The following AUNIP variants were observed in gnomAD, a reference collection of about 807,000 sequenced individuals.
AUNIP encodes the protein aurora kinase A- and ninein-interacting protein.
AUNIP carries 16 observed loss-of-function variants against 12.2 expected under a neutral mutation model. That is an observed-to-expected ratio of 1.31 (90% CI 0.88 to 1.99). The LOEUF (loss-of-function observed/expected upper bound fraction) is 1.99. Among genes scored for constraint, AUNIP ranks in the 30% most tolerant of loss-of-function variants. The pLI is 0.00. For missense variants in AUNIP, 411 were observed against 419.1 expected, an observed-to-expected ratio of 0.98 and a Z score of 0.17; for synonymous variants, 142 against 154.8, an observed-to-expected ratio of 0.92 and a Z score of 0.61.
rs771502890 is a variant in AUNIP, at chr1:25,835,778, T to G, written c.289A>C (p.Lys97Gln). ...HTESQINKES[K>Q]KNATQLDHLI... Reference sequence around the variant, plus strand: ...TGGTCTAGCTGGGTCGCATTTTTCTTGGACTCTTTGTTGATCTGACTTTCT... The same window carrying G: ...TGGTCTAGCTGGGTCGCATTTTTCTGGGACTCTTTGTTGATCTGACTTTCT... The change falls in exon 3 of 3, where the codon AAG (lysine) becomes CAG (glutamine). Residue 97 changes from lysine to glutamine, a missense_variant. Physicochemically the swap from Lys to Gln is moderately conservative, Grantham distance 53. Coordinates refer to ENST00000374298, the MANE Select transcript of AUNIP (RefSeq NM_024037.3). 6 of 1,614,146 alleles carry G rather than the reference T, an allele frequency of 3.7e-6. No homozygotes were observed. In the African/African-American group the frequency reaches 8.0e-5, roughly 22 times the overall value.
chr1:25,832,117 T>C (rs565072603), downstream of AUNIP: 218 of 1,603,162 alleles, frequency 1.4e-4, no homozygotes, highest in African/African-American at 1.6e-3. Context: ...CTCTTAAGGA[T>C]AGATCTTCTG....
At chr1:25,859,180 C>T in intron 1 of AUNIP, 100 bp downstream of exon 1, 1 of 1,261,168 alleles carries the variant, frequency 7.9e-7, no homozygotes, top group Non-Finnish European at 1.1e-6. Context: ...CTGTCCCCGA[C>T]TTCGCTTTCA....
chr1:25,857,995 G>A (rs1017117083), intron 1 of AUNIP, among the ~76,000 whole-genome samples: 2 of 151,356 alleles, frequency 1.3e-5, no homozygotes, highest in East Asian at 1.9e-4. Context: ...GTGAAAACCT[G>A]TCTCTACTAA....
Position 25,835,174 on chromosome 1 carries a change from A to G in AUNIP, c.893T>C (p.Ile298Thr). The stretch of plus-strand genomic sequence containing the variant: ...AAAAGGAGCTCTAGTGTTGTGGGCA[A>G]TGACCCGCTGGCCTTGAGAATCTTC... Reference protein sequence around the residue: ...FTEDSQGQRVIAHNTRAPFQD... With the variant: ...FTEDSQGQRVTAHNTRAPFQD... Residue 298 changes from isoleucine to threonine, a missense_variant, in exon 3 of 3, where the codon ATT (isoleucine) becomes ACT (threonine). Physicochemically the swap from Ile to Thr is moderately conservative, Grantham distance 89 (BLOSUM62 -1). Coordinates refer to ENST00000374298, the MANE Select transcript of AUNIP (RefSeq NM_024037.3). 2 of 1,614,234 alleles carry G rather than the reference A, an allele frequency of 1.2e-6. No homozygotes were observed. Among genetic ancestry groups the G allele is most frequent in the Non-Finnish European group, 8.5e-7 (1 of 1,180,042 alleles).
At position 25,834,261 on chromosome 1, in the gene AUNIP, G is replaced by A. The variant is rs1202779630; in HGVS notation, c.*732C>T. 1.0e-6 allele frequency: 1 copy of A among 985,188 alleles called. No individual in the cohort carries two copies. The highest frequency in any genetic ancestry group is 1.7e-5 in the African/African-American group (1 of 57,188). The allele number at this position is 985,188 out of a possible 1,614,324, so 61.0% of individuals were successfully genotyped here. On this transcript the variant is annotated 3_prime_UTR_variant, in exon 3 of 3. Coordinates refer to ENST00000374298, the MANE Select transcript of AUNIP (RefSeq NM_024037.3). Reference sequence around the variant, plus strand: ...GATTTGCTAATCACTGAAAAAAAAGGGTCAAGAGTAATCATCCCAAGCTTA... The same window carrying A: ...GATTTGCTAATCACTGAAAAAAAAGAGTCAAGAGTAATCATCCCAAGCTTA...
At chr1:25,853,044 C>G (rs1354005584) in intron 1 of AUNIP, among the ~76,000 whole-genome samples, 1 of 152,008 alleles carries the variant, frequency 6.6e-6, no homozygotes, top group Non-Finnish European at 1.5e-5. Flanking sequence ...TGTTTTGTGA[C>G]CTAGTATTTG....
At chr1:25,850,989 T>A (rs1410344396) in intron 1 of AUNIP, among the ~76,000 whole-genome samples, 1 of 152,218 alleles carries the variant, frequency 6.6e-6, no homozygotes, top group African/African-American at 2.4e-5. Flanking sequence ...TTCAGTCTTC[T>A]TCCATTAAGT....
chr1:25,857,463 G>A (rs984955820), intron 1 of AUNIP, among the ~76,000 whole-genome samples: 7 of 150,258 alleles, frequency 4.7e-5, no homozygotes, highest in Non-Finnish European at 7.4e-5. Flanking sequence ...TGGCCAGGCC[G>A]GTCTCGAACT....
Position 25,834,875 on chromosome 1 carries a change from C to T in AUNIP, c.*118G>A. The stretch of plus-strand genomic sequence containing the variant: ...ACACAGAGAAGATGCTCAGTAATGA[C>T]AACTTCATCCCATGCCACCTTCCCA... On this transcript the variant is annotated 3_prime_UTR_variant, in exon 3 of 3. Coordinates refer to ENST00000374298, the MANE Select transcript of AUNIP (RefSeq NM_024037.3). 2 of 1,509,746 alleles carry T rather than the reference C, an allele frequency of 1.3e-6. No individual in the cohort carries two copies. Among genetic ancestry groups the T allele is most frequent in the South Asian group, 1.4e-5 (1 of 73,642 alleles). The allele number at this position is 1,509,746 out of a possible 1,614,324, so 93.5% of individuals were successfully genotyped here. A position where few individuals can be genotyped will look rare whatever the true frequency, so the allele number is the denominator to read the frequency against.
chr1:25,847,933 A>G lies in AUNIP; in HGVS notation c.79-10379T>C, dbSNP rs1302464395. Among the ~76,000 whole-genome samples the G allele has an allele frequency of 6.6e-6, 1 of 152,146 alleles. No homozygotes were observed. The highest frequency in any genetic ancestry group is 1.5e-5 in the Non-Finnish European group (1 of 68,028). ...GCACTCTAGCCTGGGTGACAGAGTG[A>G]GACCCTGTCTCAAAAATAAAATAAA... On this transcript the variant is annotated intron_variant, in intron 1 of 2. Coordinates refer to ENST00000374298, the MANE Select transcript of AUNIP (RefSeq NM_024037.3). The surrounding 1 kb of genome is among the most constrained non-coding windows in gnomAD (Gnocchi z 4.2).
downstream of AUNIP, chr1:25,832,970 AT>A (rs1265724234): frequency 6.6e-6 from 1 of 152,154 alleles, no homozygotes; most frequent in Non-Finnish European, 1.5e-5. Flanking sequence ...TTGAGTTGCG[AT>A]TACCCAGTAT....
Position 25,835,666 on chromosome 1 carries a change from GGAGA to G in AUNIP, c.397_400del (p.Ser133LeufsTer12), listed in dbSNP as rs748057926. On this transcript the variant is annotated frameshift_variant, in exon 3 of 3. Transcript: ENST00000374298. LOFTEE classifies it low-confidence loss of function (END_TRUNC). ...GTGGCCAGAAGTCTGGAGGGACTGA[GGAGA>G]GAGTCCAGCTTCCTGGATGTCTGCA... 5 of 1,614,214 alleles carry G rather than the reference GGAGA, an allele frequency of 3.1e-6. No homozygotes were observed. The highest frequency in any genetic ancestry group is 4.2e-6 in the Non-Finnish European group (5 of 1,180,032).
In AUNIP at chr1:25,835,557, T is replaced by A; in HGVS notation, c.510A>T (p.Pro170=). 1 of 1,614,108 alleles carries A rather than the reference T, an allele frequency of 6.2e-7. No individual in the cohort carries two copies. Among genetic ancestry groups the A allele is most frequent in the Non-Finnish European group, 8.5e-7 (1 of 1,180,018 alleles). ...AGTCCTCGGTGAAGGAAAAAGCCAG[T>A]GGGGTATGACTATCTCCAGCACAGT... ...TPDCAGDSHT[P]LAFSFTEDLE... is the part of the protein sequence containing the mutation. Residue 170 remains proline (P), a synonymous_variant, in exon 3 of 3, where the codon CCA becomes CCT. Coordinates refer to ENST00000374298, the MANE Select transcript of AUNIP (RefSeq NM_024037.3).
At chr1:25,833,300 G>C (rs996677410), downstream of AUNIP, among the ~76,000 whole-genome samples, 1 of 151,818 alleles carries the variant, frequency 6.6e-6, no homozygotes, top group African/African-American at 2.4e-5. Flanking sequence ...TTTTTTTGTA[G>C]CGATGGGGTC....
intron 1 of AUNIP, among the ~76,000 whole-genome samples, chr1:25,845,237 C>T (rs1202528122): frequency 6.6e-6 from 1 of 152,176 alleles, no homozygotes; most frequent in Non-Finnish European, 1.5e-5. Flanking sequence ...CCCCACATAA[C>T]TTCTAGATTA....
chr1:25,859,322 G>A lies in AUNIP; in HGVS notation c.36C>T (p.Gly12=). ...TCAGCGCCGCCGCGTCCAGCCACAC[G>A]CCGCAGGCCTCCTCCTCGGGGCCTG... is the stretch of plus-strand genomic sequence containing the variant. ...RRTGPEEEAC[G]VWLDAAALKR... Residue 12 remains glycine (G), a synonymous_variant, in exon 1 of 3, where the codon GGC becomes GGT. Coordinates refer to ENST00000374298, the MANE Select transcript of AUNIP (RefSeq NM_024037.3). 5 of 1,571,016 alleles carry A rather than the reference G, an allele frequency of 3.2e-6. No homozygotes were observed. The highest frequency in any genetic ancestry group is 4.3e-6 in the Non-Finnish European group (5 of 1,160,780).
chr1:25,859,419 C>G lies in AUNIP; in HGVS notation c.-62G>C. 7.1e-7 allele frequency: 1 copy of G among 1,400,962 alleles called. No homozygotes were observed. Among genetic ancestry groups the G allele is most frequent in the Non-Finnish European group, 9.3e-7 (1 of 1,075,460 alleles). 86.8% of individuals were successfully genotyped at this position (1,400,962 alleles called of 1,614,324 possible). A position where few individuals can be genotyped will look rare whatever the true frequency, so the allele number is the denominator to read the frequency against. ...CAGGCTCCCGGCGCCTCAGGGAACG[C>G]CAGAACCGCGGCCGCCGACGTTCGG... On this transcript the variant is annotated 5_prime_UTR_variant, in exon 1 of 3. Transcript: ENST00000374298.
intron 1 of AUNIP, among the ~76,000 whole-genome samples, chr1:25,845,940 G>A (rs213626): frequency 0.22 from 32,699 of 152,008 alleles, 3,793 homozygotes; most frequent in African/African-American, 0.27. Flanking sequence ...GAAGTTTTCC[G>A]TCCCAAAGTA....
chr1:25,844,949 A>G (rs895508647), intron 1 of AUNIP, among the ~76,000 whole-genome samples: 2 of 152,202 alleles, frequency 1.3e-5, no homozygotes, highest in African/African-American at 4.8e-5. Context: ...ACGCTACCTC[A>G]TAAGCATGCC....
Sources: allele counts gnomAD v4.1 joint callset (sites outside exome capture counted in the v4.1 genomes callset), GRCh38; gene constraint gnomAD v4.1.1; non-coding constraint Gnocchi (gnomAD v3.1); transcripts MANE v1.5; gene names NCBI Gene and HGNC (gene_info 2026-07-23, HGNC 2026-07-21).